The following FAM135B variants were observed in gnomAD, a reference collection of about 807,000 sequenced individuals.
FAM135B encodes the protein protein FAM135B.
FAM135B carries 43 observed loss-of-function variants against 127.7 expected under a neutral mutation model. The ratio of observed to expected loss-of-function variants is 0.34; its 90% CI spans 0.26 to 0.43. The LOEUF (loss-of-function observed/expected upper bound fraction) is 0.43, where lower values mean the gene tolerates loss of function less well. Ranked by LOEUF, FAM135B falls within the 20% of genes least tolerant of loss-of-function variation. The pLI, the probability that FAM135B is intolerant of heterozygous loss-of-function variation, is 1.00. For missense variants in FAM135B, 1,558 were observed against 1,725.6 expected, an observed-to-expected ratio of 0.90 and a Z score of 1.72; for synonymous variants, 670 against 665.1, an observed-to-expected ratio of 1.01 and a Z score of -0.11.
chr8:138,360,630 A>G (rs1830360758), intron 2 of FAM135B, among the ~76,000 whole-genome samples: 1 of 152,238 alleles, frequency 6.6e-6, no homozygotes, highest in Non-Finnish European at 1.5e-5. Flanking sequence ...ATCTTCACTT[A>G]GCCTTAATCC....
At chr8:138,366,077 A>C (rs1170469239) in intron 2 of FAM135B, among the ~76,000 whole-genome samples, 1 of 152,144 alleles carries the variant, frequency 6.6e-6, no homozygotes, top group African/African-American at 2.4e-5. Context: ...TTAAATAATA[A>C]AATAATATAA....
chr8:138,282,010 A>C (rs1160328412), intron 3 of FAM135B, among the ~76,000 whole-genome samples: 1 of 152,198 alleles, frequency 6.6e-6, no homozygotes. Context: ...TGTAAGCAAC[A>C]TGAGAGCAGA....
At chr8:138,334,508 C>G (rs1394115803) in intron 2 of FAM135B, among the ~76,000 whole-genome samples, 3 of 152,082 alleles carry the variant, frequency 2.0e-5, no homozygotes, top group Admixed American at 6.6e-5. Flanking sequence ...AGCCCAGTAC[C>G]CATTAGTTAT....
chr8:138,159,851 T>C (rs1397975065), intron 12 of FAM135B, among the ~76,000 whole-genome samples: 1 of 152,150 alleles, frequency 6.6e-6, no homozygotes, highest in Non-Finnish European at 1.5e-5. Flanking sequence ...GTGTCTTTGG[T>C]ATTTATGGGG....
chr8:138,357,110 G>C (rs986190874), intron 2 of FAM135B, among the ~76,000 whole-genome samples: 1 of 151,904 alleles, frequency 6.6e-6, no homozygotes, highest in Non-Finnish European at 1.5e-5. Flanking sequence ...TTCATTTTTA[G>C]AGCATATTAT....
intron 2 of FAM135B, among the ~76,000 whole-genome samples, chr8:138,344,589 T>TTTTTC (rs1191186860): frequency 4.4e-5 from 6 of 135,764 alleles, no homozygotes; most frequent in Non-Finnish European, 6.6e-5. Context: ...TTTTTTTTTT[T>TTTTTC]TTTTGTTAAG....
At position 138,177,379 on chromosome 8, in the gene FAM135B, T is replaced by G. The variant is rs1382278780; in HGVS notation, c.1071A>C (p.Gln357His). Reference protein sequence around the residue: ...FSEAFFYMEHQKLAVLTFQEN... With the variant: ...FSEAFFYMEHHKLAVLTFQEN... The stretch of plus-strand genomic sequence containing the variant: ...CCTGAAATGTCAGGACTGCAAGTTT[T>G]TGGTGCTCCATGTAAAAGAAGGCCT... The change falls in exon 11 of 20, where the codon CAA (glutamine) becomes CAC (histidine). Residue 357 changes from glutamine (Q) to histidine (H), a missense_variant. Physicochemically the swap from Gln to His is conservative, Grantham distance 24. Around this residue, in one of 5 missense-constraint regions of FAM135B, gnomAD observed 115 missense variants for 171.1 expected, o/e 0.67. Transcript: ENST00000395297. 6.2e-7 allele frequency: 1 copy of G among 1,613,776 alleles called. No individual in the cohort carries two copies. The highest frequency in any genetic ancestry group is 8.5e-7 in the Non-Finnish European group (1 of 1,179,800).
intron 2 of FAM135B, among the ~76,000 whole-genome samples, chr8:138,356,093 C>T (rs942299108): frequency 3.9e-5 from 6 of 152,284 alleles, no homozygotes; most frequent in African/African-American, 1.4e-4. Flanking sequence ...CACTAGGGCC[C>T]TCACCAGGCA....
intron 9 of FAM135B, among the ~76,000 whole-genome samples, chr8:138,183,251 T>C (rs1402418474): frequency 7.9e-5 from 12 of 152,194 alleles, no homozygotes; most frequent in Non-Finnish European, 1.6e-4. Context: ...TACCCATAAA[T>C]CTAATATTAT....
At position 138,357,436 on chromosome 8, in the gene FAM135B, C is replaced by T. The variant is rs908421670; in HGVS notation, c.77+10471G>A. ...AGAAAAACAGAGAGTAACTTATACACTACATTTTTGTGAAGGAAAATACAT... is the reference window on the plus strand; with the variant it reads ...AGAAAAACAGAGAGTAACTTATACATTACATTTTTGTGAAGGAAAATACAT... On this transcript the variant is annotated intron_variant, in intron 2 of 19. Coordinates refer to ENST00000395297, the MANE Select transcript of FAM135B (RefSeq NM_015912.4). Among the ~76,000 whole-genome samples the T allele has an allele frequency of 3.9e-5, 6 of 152,152 alleles. No homozygotes were observed. In the East Asian group the frequency reaches 5.8e-4, roughly 15 times the overall value.
chr8:138,155,052 T>C (rs1484121336), intron 12 of FAM135B, among the ~76,000 whole-genome samples: 3 of 152,154 alleles, frequency 2.0e-5, no homozygotes, highest in Admixed American at 1.3e-4. Flanking sequence ...AGAGAAAGAT[T>C]GGGTTACCCA....
chr8:138,446,867 C>A (rs1020487806), intron 1 of FAM135B, among the ~76,000 whole-genome samples: 1 of 151,814 alleles, frequency 6.6e-6, no homozygotes, highest in African/African-American at 2.4e-5. Flanking sequence ...AGTGAACAGG[C>A]AACCTACAGA....
At chr8:138,142,289 T>C (rs1250827294) in intron 16 of FAM135B, among the ~76,000 whole-genome samples, 6 of 10,688 alleles carry the variant, frequency 5.6e-4, no homozygotes, top group Non-Finnish European at 8.3e-4. Context: ...CTGCTTCTTC[T>C]TTTTTTTTTT....
intron 7 of FAM135B, among the ~76,000 whole-genome samples, chr8:138,227,451 A>G (rs759431410): frequency 6.6e-6 from 1 of 152,196 alleles, no homozygotes; most frequent in Non-Finnish European, 1.5e-5. Context: ...TTTTTACTCC[A>G]ATTAGCAAAA....
intron 1 of FAM135B, among the ~76,000 whole-genome samples, chr8:138,458,679 T>C (rs950175765): frequency 6.6e-6 from 1 of 152,196 alleles, no homozygotes; most frequent in Non-Finnish European, 1.5e-5. Flanking sequence ...GTATTGTCTG[T>C]GGCTGCTTCC....
At chr8:138,444,690 G>A (rs1378988819) in intron 1 of FAM135B, among the ~76,000 whole-genome samples, 1 of 152,040 alleles carries the variant, frequency 6.6e-6, no homozygotes. Context: ...ATGCCCACAA[G>A]AGAAAGCAGG....
intron 2 of FAM135B, among the ~76,000 whole-genome samples, chr8:138,332,691 A>G (rs530137210): frequency 6.6e-6 from 1 of 152,236 alleles, no homozygotes; most frequent in African/African-American, 2.4e-5. Context: ...AGAAGAGTGA[A>G]CACGGAGTGC....
intron 1 of FAM135B, among the ~76,000 whole-genome samples, chr8:138,479,590 AT>A (rs1814691553): frequency 6.6e-6 from 1 of 152,186 alleles, no homozygotes; most frequent in African/African-American, 2.4e-5. Flanking sequence ...AAAAATTTAT[AT>A]TTCTTATATC....
At chr8:138,286,006 C>T (rs1372027488) in intron 3 of FAM135B, among the ~76,000 whole-genome samples, 1 of 152,128 alleles carries the variant, frequency 6.6e-6, no homozygotes, top group Non-Finnish European at 1.5e-5. Flanking sequence ...GAGTTCCTGT[C>T]TTCATAGAAC....
Sources: allele counts gnomAD v4.1 joint callset (sites outside exome capture counted in the v4.1 genomes callset), GRCh38; gene constraint gnomAD v4.1.1; regional missense constraint gnomAD v4.1.1; transcripts MANE v1.5; gene names NCBI Gene and HGNC (gene_info 2026-07-23, HGNC 2026-07-21).